The following RAB31 variants were observed in gnomAD, a reference collection of about 807,000 sequenced individuals.
The protein encoded by RAB31 is RAB31, member RAS oncogene family, also known as ras-related protein Rab-31.
RAB31 carries 21 observed loss-of-function variants against 25.6 expected under a neutral mutation model. That is an observed-to-expected ratio of 0.82 (90% CI 0.58 to 1.18). RAB31 has a LOEUF of 1.18. RAB31 is among the 50% of genes most tolerant of loss of function. The probability of loss-of-function intolerance (pLI) is 0.00; values close to 1 mark genes in which losing one functional copy is unlikely to be tolerated. For missense variants in RAB31, 196 were observed against 250.1 expected (o/e 0.78, Z 1.46); for synonymous variants, 87 against 84.0 (o/e 1.04, Z -0.20).
chr18:9,749,356 ACAGAGGGAG>A (rs34111520), intron 1 of RAB31, among the ~76,000 whole-genome samples: 69,138 of 151,582 alleles, frequency 0.46, 15,791 homozygotes, highest in South Asian at 0.52. Context: ...AACAGAGGGA[ACAGAGGGAG>A]CGGAGGGAAC....
At chr18:9,711,035 G>C (rs576748740) in intron 1 of RAB31, among the ~76,000 whole-genome samples, 3 of 151,728 alleles carry the variant, frequency 2.0e-5, no homozygotes, top group Non-Finnish European at 4.4e-5. Context: ...ACATCCCCTC[G>C]TTTGGCTGGC....
At chr18:9,727,976 A>G (rs559527817) in intron 1 of RAB31, among the ~76,000 whole-genome samples, 1 of 152,332 alleles carries the variant, frequency 6.6e-6, no homozygotes, top group South Asian at 2.1e-4. Flanking sequence ...AGTCTTTTTA[A>G]AGTTGTTTTT....
intron 1 of RAB31, among the ~76,000 whole-genome samples, chr18:9,753,649 A>T (rs2068246343): frequency 2.0e-5 from 3 of 152,132 alleles, no homozygotes; most frequent in Admixed American, 2.0e-4. Context: ...TCCAGTGTGG[A>T]TTCTGTAAAG....
At chr18:9,732,481 CCT>C (rs1489470799) in intron 1 of RAB31, among the ~76,000 whole-genome samples, 2 of 152,190 alleles carry the variant, frequency 1.3e-5, no homozygotes, top group African/African-American at 2.4e-5. Context: ...AATCTCTGGT[CCT>C]CACAACGGCC....
intron 1 of RAB31, among the ~76,000 whole-genome samples, chr18:9,736,333 A>G (rs1273035708): frequency 6.6e-6 from 1 of 152,046 alleles, no homozygotes; most frequent in African/African-American, 2.4e-5. Context: ...GTTGCCCTAG[A>G]ATTGCGCTGC....
At chr18:9,725,729 G>A (rs1258121583) in intron 1 of RAB31, among the ~76,000 whole-genome samples, 1 of 152,192 alleles carries the variant, frequency 6.6e-6, no homozygotes, top group Non-Finnish European at 1.5e-5. Context: ...CATTTCCGTG[G>A]AAGGAAAACA....
chr18:9,835,945 G>A (rs764484917), intron 5 of RAB31, among the ~76,000 whole-genome samples: 16 of 151,994 alleles, frequency 1.1e-4, no homozygotes, highest in Non-Finnish European at 1.6e-4. Context: ...GGTGCTTGCC[G>A]GAACGGGGCC....
rs35636275 is a variant in RAB31 at position 9,715,414 on chromosome 18, CTTT to C, written c.39+6981_39+6983del. On this transcript the variant is annotated intron_variant, in intron 1 of 6. Transcript: ENST00000578921. ...TTTTATTTTTAATTCCCTTTGCCCC[CTTT>C]TTTTTTTTTTGAAAAATTTAAAACT... is the stretch of plus-strand genomic sequence containing the variant. Among the ~76,000 whole-genome samples, 848 of 144,358 alleles carry C rather than the reference CTTT, an allele frequency of 5.9e-3. 7 individuals carry two copies. Among genetic ancestry groups the C allele is most frequent in the African/African-American group, 0.02 (776 of 39,484 alleles). The allele number at this position is 144,358 out of a possible 152,430, so 94.7% of individuals were successfully genotyped here. A position where few individuals can be genotyped will look rare whatever the true frequency, so the allele number is the denominator to read the frequency against.
chr18:9,852,944 A>G (rs1459939011), intron 6 of RAB31, among the ~76,000 whole-genome samples: 1 of 152,210 alleles, frequency 6.6e-6, no homozygotes, highest in Non-Finnish European at 1.5e-5. Flanking sequence ...GTATAGTGGT[A>G]TCTCATTGTG....
intron 1 of RAB31, among the ~76,000 whole-genome samples, chr18:9,770,866 T>C (rs2068341177): frequency 6.6e-6 from 1 of 151,750 alleles, no homozygotes; most frequent in South Asian, 2.1e-4. Context: ...TTTTTTTTTT[T>C]TTTTTGAGAA....
At chr18:9,758,797 T>C (rs1398290561) in intron 1 of RAB31, among the ~76,000 whole-genome samples, 1 of 151,930 alleles carries the variant, frequency 6.6e-6, no homozygotes, top group East Asian at 1.9e-4. Context: ...CTTTCATCCA[T>C]CCCCCTGTCT....
intron 1 of RAB31, among the ~76,000 whole-genome samples, chr18:9,768,696 TTTAA>T (rs1284798380): frequency 6.6e-6 from 1 of 152,206 alleles, no homozygotes; most frequent in Non-Finnish European, 1.5e-5. Context: ...AGCTCTTTAG[TTTAA>T]TTAGCTCTCA....
intron 5 of RAB31, among the ~76,000 whole-genome samples, chr18:9,840,926 T>G (rs2068730162): frequency 6.6e-6 from 1 of 152,166 alleles, no homozygotes. Context: ...TACAACAAAT[T>G]TATTTTTAAA....
chr18:9,779,253 G>GA (rs140914659), intron 2 of RAB31, among the ~76,000 whole-genome samples: 11,543 of 152,130 alleles, frequency 0.076, 479 homozygotes, highest in South Asian at 0.12. Flanking sequence ...TTAAAATTAT[G>GA]AAAAAATTTA....
At chr18:9,778,582 T>C (rs1378840729) in intron 2 of RAB31, among the ~76,000 whole-genome samples, 1 of 152,164 alleles carries the variant, frequency 6.6e-6, no homozygotes, top group Non-Finnish European at 1.5e-5. Context: ...GCGATTCTCC[T>C]GCCTCAGCCT....
At chr18:9,734,933 A>C (rs925743005) in intron 1 of RAB31, 6 of 326,358 alleles carry the variant, frequency 1.8e-5, no homozygotes, top group Non-Finnish European at 3.8e-5. Context: ...CCTTTCCCAG[A>C]ACTTTATAGT....
intron 5 of RAB31, among the ~76,000 whole-genome samples, chr18:9,827,560 A>G (rs549001856): frequency 2.1e-3 from 314 of 151,506 alleles, no homozygotes; most frequent in Non-Finnish European, 3.5e-3. Context: ...GAGGGATGGA[A>G]TCATGGTCTC....
At chr18:9,752,606 A>G (rs2068241123) in intron 1 of RAB31, among the ~76,000 whole-genome samples, 2 of 152,222 alleles carry the variant, frequency 1.3e-5, no homozygotes, top group African/African-American at 2.4e-5. Context: ...CCAGCATCCC[A>G]TTGACGTCTG....
intron 1 of RAB31, among the ~76,000 whole-genome samples, chr18:9,733,468 T>C (rs1189938819): frequency 1.3e-4 from 20 of 152,212 alleles, no homozygotes. Context: ...TGGCTCTTCC[T>C]GTTCCCAGAG....
Sources: allele counts gnomAD v4.1 joint callset (sites outside exome capture counted in the v4.1 genomes callset), GRCh38; gene constraint gnomAD v4.1.1; transcripts MANE v1.5; gene names NCBI Gene and HGNC (gene_info 2026-07-23, HGNC 2026-07-21).